NXPE4: variants seen among roughly 807,000 people sequenced by gnomAD.
The protein encoded by NXPE4 is neurexophilin and PC-esterase domain family member 4.
A neutral mutation model predicts 33.3 loss-of-function variants in NXPE4; 42 were observed. The observed-to-expected ratio is 1.26, with a 90% CI of 0.98 to 1.63. The LOEUF (loss-of-function observed/expected upper bound fraction) is 1.63. Ranked by LOEUF, NXPE4 falls within the 40% of genes most tolerant of loss-of-function variation. NXPE4 has a pLI of 0.00. For synonymous variants in NXPE4, 253 were observed against 234.9 expected (o/e 1.08, Z -0.71); for missense variants, 709 against 647.6 (o/e 1.09, Z -1.03).
chr11:114,669,175 T>C, the NXPE4 span, among the ~76,000 whole-genome samples: 5 of 152,106 alleles, frequency 3.3e-5, no homozygotes, highest in South Asian at 4.1e-4. Flanking sequence ...ACAATCATAA[T>C]TGATGCACAT....
At chr11:114,658,782 G>C in the NXPE4 span, among the ~76,000 whole-genome samples, 33 of 152,234 alleles carry the variant, frequency 2.2e-4, no homozygotes, top group African/African-American at 6.7e-4. Context: ...CACTGAGAAG[G>C]CCTTTCCCTA....
chr11:114,644,265 T>C, the NXPE4 span, among the ~76,000 whole-genome samples: 4 of 152,238 alleles, frequency 2.6e-5, no homozygotes, highest in African/African-American at 9.6e-5. Flanking sequence ...TTGCCTGATT[T>C]CCCTGGCCAG....
chr11:114,618,547 C>A, the NXPE4 span, among the ~76,000 whole-genome samples: 1 of 151,946 alleles, frequency 6.6e-6, no homozygotes, highest in Non-Finnish European at 1.5e-5. Flanking sequence ...CTAGGGTGAT[C>A]ACTGTTACCC....
intron 2 of NXPE4, among the ~76,000 whole-genome samples, chr11:114,589,368 C>G (rs1003793820): frequency 1.3e-5 from 2 of 152,120 alleles, no homozygotes; most frequent in African/African-American, 4.8e-5. Flanking sequence ...CTTCTGGACA[C>G]CAGAGCCAGC....
At chr11:114,633,098 T>C in the NXPE4 span, among the ~76,000 whole-genome samples, 1 of 121,762 alleles carries the variant, frequency 8.2e-6, no homozygotes, top group Non-Finnish European at 1.6e-5. Context: ...ATGTATTTTA[T>C]ATATTTTACA....
At chr11:114,589,234 C>T (rs920908516) in intron 2 of NXPE4, among the ~76,000 whole-genome samples, 1 of 152,106 alleles carries the variant, frequency 6.6e-6, no homozygotes, top group Non-Finnish European at 1.5e-5. Context: ...GAACCAGTCT[C>T]AAAGATGGTC....
chr11:114,671,849 C>T, the NXPE4 span, among the ~76,000 whole-genome samples: 9 of 152,108 alleles, frequency 5.9e-5, no homozygotes, highest in African/African-American at 2.2e-4. Flanking sequence ...AATACACAAA[C>T]AGACACACAC....
the NXPE4 span, among the ~76,000 whole-genome samples, chr11:114,610,773 A>C: frequency 0.01 from 1,553 of 152,078 alleles, 24 homozygotes; most frequent in African/African-American, 0.035. Flanking sequence ...GTCGGTAACC[A>C]CTGTTACCCA....
At chr11:114,609,127 A>T in the NXPE4 span, among the ~76,000 whole-genome samples, 1 of 151,882 alleles carries the variant, frequency 6.6e-6, no homozygotes, top group Non-Finnish European at 1.5e-5. Flanking sequence ...TACCCGGTGG[A>T]TAATAAGTAT....
the NXPE4 span, among the ~76,000 whole-genome samples, chr11:114,676,047 A>G: frequency 1.3e-5 from 2 of 151,978 alleles, no homozygotes; most frequent in Non-Finnish European, 2.9e-5. Flanking sequence ...GCATATCCAC[A>G]TGTGGAAGAA....
the NXPE4 span, among the ~76,000 whole-genome samples, chr11:114,651,184 C>A: frequency 6.6e-6 from 1 of 151,978 alleles, no homozygotes; most frequent in Non-Finnish European, 1.5e-5. Context: ...AGCCGTGGAC[C>A]CTCGCGGTTG....
chr11:114,575,255 G>T (rs1307699738), intron 5 of NXPE4, among the ~76,000 whole-genome samples: 3 of 152,060 alleles, frequency 2.0e-5, no homozygotes, highest in Admixed American at 1.3e-4. Flanking sequence ...GGGAAAAGTT[G>T]AAAGCATTCC....
the NXPE4 span, among the ~76,000 whole-genome samples, chr11:114,629,378 A>G: frequency 6.6e-6 from 1 of 151,754 alleles, no homozygotes; most frequent in Non-Finnish European, 1.5e-5. Context: ...ACACAAATCA[A>G]TAAATGTAAT....
chr11:114,631,748 T>G, the NXPE4 span, among the ~76,000 whole-genome samples: 1 of 151,924 alleles, frequency 6.6e-6, no homozygotes, highest in South Asian at 2.1e-4. Flanking sequence ...GGGTAACCAC[T>G]GTCACCCGGT....
At chr11:114,606,845 G>A in the NXPE4 span, among the ~76,000 whole-genome samples, 78 of 151,376 alleles carry the variant, frequency 5.2e-4, no homozygotes, top group Admixed American at 1.1e-3. Flanking sequence ...GTGTTGCCTC[G>A]TGGGTAATCA....
At chr11:114,646,532 C>A in the NXPE4 span, among the ~76,000 whole-genome samples, 6 of 151,716 alleles carry the variant, frequency 4.0e-5, no homozygotes, top group Non-Finnish European at 7.4e-5. Flanking sequence ...TTTAAAAAAC[C>A]TGAATTATAA....
chr11:114,581,749 T>C lies in NXPE4; in HGVS notation c.868A>G (p.Thr290Ala), dbSNP rs1949151468. 1 of 1,611,922 alleles carries C rather than the reference T, an allele frequency of 6.2e-7. No individual in the cohort carries two copies. Among genetic ancestry groups the C allele is most frequent in the Non-Finnish European group, 8.5e-7 (1 of 1,178,956 alleles). ...CTGTTGCATTTGGAGACACTAATTG[T>C]ATTGAATTTTTCCATAATCTCTACA... ...VGVEIMEKFN[T>A]ISVSKCNKET... is the part of the protein sequence containing the mutation. Residue 290 changes from threonine to alanine, a missense_variant, in exon 4 of 6, where the codon ACA becomes GCA. Transcript: ENST00000375478.
chr11:114,580,911 T>A (rs1591336160), intron 4 of NXPE4, among the ~76,000 whole-genome samples: 1 of 152,148 alleles, frequency 6.6e-6, no homozygotes, highest in South Asian at 2.1e-4. Context: ...AGTCTGGGAA[T>A]CCACAGGTTG....
intron 2 of NXPE4, among the ~76,000 whole-genome samples, chr11:114,593,297 A>G (rs934054805): frequency 2.0e-5 from 3 of 152,188 alleles, no homozygotes; most frequent in African/African-American, 7.2e-5. Context: ...ATTACTATCC[A>G]GAGTATTCAA....
Sources: gnomAD v4.1 joint callset for allele counts (sites outside exome capture counted in the v4.1 genomes callset) on GRCh38, gnomAD v4.1.1 for gene constraint, MANE v1.5 for transcripts, NCBI Gene and HGNC (gene_info 2026-07-23, HGNC 2026-07-21) for gene names.